RBFOX1: variants seen among roughly 807,000 people sequenced by gnomAD.
The protein encoded by RBFOX1 is RNA binding fox-1 homolog 1.
A neutral mutation model predicts 57.7 loss-of-function variants in RBFOX1; 8 were observed. The ratio of observed to expected loss-of-function variants is 0.14; its 90% confidence interval spans 0.08 to 0.25. The LOEUF (loss-of-function observed/expected upper bound fraction) is 0.25. Ranked by LOEUF, RBFOX1 falls within the 10% of genes least tolerant of loss-of-function variation. RBFOX1 has a pLI of 1.00. For synonymous variants in RBFOX1, 326 were observed against 222.4 expected, an observed-to-expected ratio of 1.47 and a Z score of -4.15; for missense variants, 611 against 548.5, an observed-to-expected ratio of 1.11 and a Z score of -1.14.
intron 4 of RBFOX1, among the ~76,000 whole-genome samples, chr16:7,064,705 A>C (rs1159308622): frequency 1.3e-5 from 2 of 152,184 alleles, no homozygotes; most frequent in African/African-American, 4.8e-5. Flanking sequence ...GCAAACGCAC[A>C]TCTAAACCTC....
intron 4 of RBFOX1, among the ~76,000 whole-genome samples, chr16:7,160,709 G>A (rs2078126793): frequency 6.6e-6 from 1 of 151,802 alleles, no homozygotes; most frequent in African/African-American, 2.4e-5. Context: ...TGTAACTCCT[G>A]TGCTACATTT....
intron 2 of RBFOX1, among the ~76,000 whole-genome samples, chr16:5,479,816 G>T (rs2069462448): frequency 6.6e-6 from 1 of 151,598 alleles, no homozygotes; most frequent in Admixed American, 6.6e-5. Context: ...ATGGTGGTCA[G>T]ACGTGTCCTT....
intron 3 of RBFOX1, among the ~76,000 whole-genome samples, chr16:5,819,112 C>G (rs577687262): frequency 6.6e-6 from 1 of 152,266 alleles, no homozygotes; most frequent in African/African-American, 2.4e-5. Context: ...ACACCACAGA[C>G]TGGGTGGCTT....
At chr16:6,505,222 A>T (rs557960935) in intron 2 of RBFOX1, among the ~76,000 whole-genome samples, 68 of 152,254 alleles carry the variant, frequency 4.5e-4, no homozygotes, top group African/African-American at 1.6e-3. Flanking sequence ...ATTGTCAGTC[A>T]CTTTTATGTA....
chr16:6,949,513 T>A (rs2080252803), intron 3 of RBFOX1, among the ~76,000 whole-genome samples: 1 of 152,192 alleles, frequency 6.6e-6, no homozygotes, highest in Non-Finnish European at 1.5e-5. Flanking sequence ...TGGCAGGGTC[T>A]GTTTCTTCTT....
At chr16:5,868,054 TGTG>T (rs1244058900) in intron 4 of RBFOX1, among the ~76,000 whole-genome samples, 9 of 152,176 alleles carry the variant, frequency 5.9e-5, no homozygotes, top group African/African-American at 1.2e-4. Flanking sequence ...TGAAAGGAAT[TGTG>T]GTGGATGCTG....
At chr16:6,932,279 G>A (rs572467248) in intron 3 of RBFOX1, among the ~76,000 whole-genome samples, 1 of 151,764 alleles carries the variant, frequency 6.6e-6, no homozygotes, top group African/African-American at 2.4e-5. Context: ...AATTTTTTTT[G>A]AATTTTCAGT....
At chr16:6,145,012 AT>A (rs992167726) in intron 1 of RBFOX1, among the ~76,000 whole-genome samples, 1 of 151,584 alleles carries the variant, frequency 6.6e-6, no homozygotes, top group Non-Finnish European at 1.5e-5. Context: ...CCTGCATTTT[AT>A]TTTTTTTAAT....
At chr16:7,152,406 G>T (rs923992838) in intron 4 of RBFOX1, among the ~76,000 whole-genome samples, 2 of 152,180 alleles carry the variant, frequency 1.3e-5, no homozygotes, top group African/African-American at 4.8e-5. Flanking sequence ...ACCCTTGGCT[G>T]ACCCGATAGC....
chr16:6,177,334 TC>T (rs1161025154), intron 1 of RBFOX1, among the ~76,000 whole-genome samples: 9 of 152,276 alleles, frequency 5.9e-5, no homozygotes, highest in African/African-American at 2.2e-4. Context: ...AATTTCCTCT[TC>T]CCAGTGAAGT....
chr16:6,483,419 G>T, intron 2 of RBFOX1: 1 of 1,535,350 alleles, frequency 6.5e-7, no homozygotes, highest in Non-Finnish European at 8.7e-7. Context: ...GCTAGCACGT[G>T]GGTGCCGTTT....
intron 1 of RBFOX1, among the ~76,000 whole-genome samples, chr16:6,050,880 C>T (rs2095545069): frequency 1.3e-5 from 2 of 151,328 alleles, no homozygotes; most frequent in South Asian, 4.2e-4. Flanking sequence ...AAGTTATTAT[C>T]TTTGTTGATG....
At chr16:5,949,431 C>T (rs920319073) in intron 4 of RBFOX1, among the ~76,000 whole-genome samples, 2 of 146,450 alleles carry the variant, frequency 1.4e-5, no homozygotes, top group Non-Finnish European at 3.0e-5. Context: ...GAGGCTGAGG[C>T]AGGAGAATGA....
chr16:5,883,081 A>G (rs2057803400), intron 4 of RBFOX1, among the ~76,000 whole-genome samples: 1 of 152,154 alleles, frequency 6.6e-6, no homozygotes, highest in African/African-American at 2.4e-5. Context: ...TTGGCACAGG[A>G]TGAGAAAATT....
At chr16:7,579,336 C>G (rs191930504) in intron 5 of RBFOX1, among the ~76,000 whole-genome samples, 7 of 152,120 alleles carry the variant, frequency 4.6e-5, no homozygotes, top group Admixed American at 4.6e-4. Context: ...TTCTGAACAG[C>G]GTCGGTTAAG....
intron 3 of RBFOX1, among the ~76,000 whole-genome samples, chr16:5,708,506 G>A (rs11076954): frequency 0.95 from 145,020 of 152,140 alleles, 69,147 homozygotes; most frequent in East Asian, 1. Context: ...CTGGATCTGT[G>A]TCTTCCATCT....
intron 3 of RBFOX1, among the ~76,000 whole-genome samples, chr16:6,687,907 C>T (rs1250726399): frequency 1.3e-5 from 2 of 152,166 alleles, no homozygotes; most frequent in Non-Finnish European, 2.9e-5. Context: ...TGTTATTTCT[C>T]TCCACCGTAT....
At chr16:5,402,105 C>A (rs555349207) in intron 1 of RBFOX1, among the ~76,000 whole-genome samples, 1 of 152,046 alleles carries the variant, frequency 6.6e-6, no homozygotes, top group East Asian at 1.9e-4. Flanking sequence ...GGGGCATTTA[C>A]CAGTCCCAGG....
chr16:6,884,095 C>T (rs899325163), intron 3 of RBFOX1, among the ~76,000 whole-genome samples: 2 of 152,128 alleles, frequency 1.3e-5, no homozygotes, highest in Non-Finnish European at 2.9e-5. Context: ...CAAGCACCTG[C>T]GATGCGCTGC....
Sources: gnomAD v4.1 joint callset for allele counts (sites outside exome capture counted in the v4.1 genomes callset) on GRCh38, gnomAD v4.1.1 for gene constraint, MANE v1.5 for transcripts, NCBI Gene and HGNC (gene_info 2026-07-23, HGNC 2026-07-21) for gene names.